DEFB110: variants seen among roughly 807,000 people sequenced by gnomAD.
DEFB110 encodes beta-defensin 110.
Under a neutral mutation model 2.5 loss-of-function variants are expected in DEFB110, and 4 were observed. The observed-to-expected ratio is 1.60, with a 90% CI of 0.79 to 3.66. The LOEUF (loss-of-function observed/expected upper bound fraction) is 3.66, where lower values mean the gene tolerates loss of function less well. Among genes scored for constraint, DEFB110 ranks in the 30% most tolerant of loss-of-function variants. The probability of loss-of-function intolerance (pLI) is 0.01; values close to 1 mark genes in which losing one functional copy is unlikely to be tolerated. For missense variants in DEFB110, 94 were observed against 75.4 expected, an observed-to-expected ratio of 1.25 and a Z score of -0.91; for synonymous variants, 29 against 21.8, an observed-to-expected ratio of 1.33 and a Z score of -0.92.
In DEFB110 at chr6:50,019,119, T is replaced by C; in HGVS notation, c.62A>G (p.Lys21Arg). The C allele has an allele frequency of 6.2e-7, 1 of 1,610,798 alleles. No individual in the cohort carries two copies. Among genetic ancestry groups the C allele is most frequent in the South Asian group, 1.1e-5 (1 of 90,518 alleles). ...HFWVTILPAK[K>R]KYPEYGSLDL... ...CAAGCTACCATACTCAGGATATTTC[T>C]TTTTGGCTGTAAGAAGGGAAGAATG... The change falls in exon 2 of 2, where the codon AAG (lysine) becomes AGG (arginine). Residue 21 changes from lysine to arginine, a missense_variant. Transcript: ENST00000371148.
chr6:50,016,054 G>C (rs972800077), downstream of DEFB110, among the ~76,000 whole-genome samples: 2 of 151,728 alleles, frequency 1.3e-5, no homozygotes, highest in African/African-American at 4.8e-5. Flanking sequence ...CTGGGAAGAA[G>C]TAATCCACTT....
intron 1 of DEFB110, among the ~76,000 whole-genome samples, chr6:50,011,177 A>G (rs1348334814): frequency 6.6e-6 from 1 of 151,308 alleles, no homozygotes; most frequent in African/African-American, 2.4e-5. Flanking sequence ...TAATACATAT[A>G]GATAAATATT....
intron 1 of DEFB110, among the ~76,000 whole-genome samples, chr6:50,020,375 T>C (rs1460051510): frequency 6.6e-6 from 1 of 152,086 alleles, no homozygotes; most frequent in African/African-American, 2.4e-5. Flanking sequence ...AAGTCAAAAT[T>C]TTTTTATTTT....
At chr6:50,014,690 T>C (rs922504390), downstream of DEFB110, among the ~76,000 whole-genome samples, 9 of 151,748 alleles carry the variant, frequency 5.9e-5, no homozygotes, top group African/African-American at 2.2e-4. Context: ...TTTCAAAACA[T>C]CCTTCCTGTC....
At chr6:50,018,835 A>G, downstream of DEFB110, 1 of 1,360,960 alleles carries the variant, frequency 7.3e-7, no homozygotes. Flanking sequence ...GTGACATATG[A>G]TCACTTCTGA....
chr6:50,021,457 C>A (rs1197459764), intron 1 of DEFB110, among the ~76,000 whole-genome samples: 1 of 152,226 alleles, frequency 6.6e-6, no homozygotes, highest in Non-Finnish European at 1.5e-5. Context: ...CAAGTCCAAT[C>A]TGTCTGAAGT....
rs147452703 is a variant in DEFB110 at position 50,021,266 on chromosome 6, G to T, written c.55+615C>A. Among the ~76,000 whole-genome samples, 44 of 152,276 alleles carry T rather than the reference G, an allele frequency of 2.9e-4. No homozygotes were observed. In the East Asian group the frequency reaches 6.6e-3, roughly 23 times the overall value. On this transcript the variant is annotated intron_variant, in intron 1 of 1. Transcript: ENST00000371148. ...TCCATGCATTGTAGGTTATTTAGCAGCATCCTGGGTTCTATCTACAACTGG... is the reference window on the plus strand; with the variant it reads ...TCCATGCATTGTAGGTTATTTAGCATCATCCTGGGTTCTATCTACAACTGG...
At chr6:50,016,815 G>T (rs1349144679), downstream of DEFB110, among the ~76,000 whole-genome samples, 1 of 151,768 alleles carries the variant, frequency 6.6e-6, no homozygotes, top group Non-Finnish European at 1.5e-5. Context: ...GAAGGCAGAG[G>T]CTGGTGGCTT....
chr6:50,014,525 CAA>C (rs1217866282), downstream of DEFB110, among the ~76,000 whole-genome samples: 1 of 151,600 alleles, frequency 6.6e-6, no homozygotes, highest in Non-Finnish European at 1.5e-5. Context: ...TACAAAATGG[CAA>C]AGTCATATGT....
rs1026428525 is a variant in DEFB110, at chr6:50,019,821, C to A, written c.56-696G>T. On this transcript the variant is annotated intron_variant, in intron 1 of 1. Transcript: ENST00000371148. Reference sequence around the variant, plus strand: ...TCAATTACTGTGTGTACTATTAAACCTTTTGACTAGGAATCAATAAACTAT... The same window carrying A: ...TCAATTACTGTGTGTACTATTAAACATTTTGACTAGGAATCAATAAACTAT... 5.9e-5 allele frequency among the ~76,000 whole-genome samples: 9 copies of A among 151,854 alleles called. No homozygotes were observed. The East Asian group carries it at 1.5e-3, about 26-fold the overall frequency.
chr6:50,010,151 T>C (rs1010089209), intron 1 of DEFB110, among the ~76,000 whole-genome samples: 2 of 151,996 alleles, frequency 1.3e-5, no homozygotes, highest in African/African-American at 4.8e-5. Flanking sequence ...ATAATCAACA[T>C]AATTGTCAGA....
At chr6:50,016,878 GCTC>G (rs1774329371), downstream of DEFB110, among the ~76,000 whole-genome samples, 2 of 151,818 alleles carry the variant, frequency 1.3e-5, no homozygotes, top group South Asian at 4.1e-4. Context: ...TGGTTTTCGT[GCTC>G]TCTGTCAAGC....
intron 1 of DEFB110, among the ~76,000 whole-genome samples, chr6:50,020,481 C>T (rs1774400485): frequency 6.6e-6 from 1 of 151,636 alleles, no homozygotes; most frequent in Admixed American, 6.6e-5. Flanking sequence ...GACCAAAGGA[C>T]AGATTTAATA....
chr6:50,014,827 C>T (rs1001822509), downstream of DEFB110, among the ~76,000 whole-genome samples: 3 of 151,704 alleles, frequency 2.0e-5, no homozygotes, highest in Non-Finnish European at 4.4e-5. Flanking sequence ...GTATTCTACC[C>T]CTCCTGCTTA....
At chr6:50,012,007 T>C (rs924520070) in intron 1 of DEFB110, among the ~76,000 whole-genome samples, 4 of 152,058 alleles carry the variant, frequency 2.6e-5, no homozygotes, top group African/African-American at 4.8e-5. Context: ...CCTTATTAAA[T>C]TGAGGTTTTA....
downstream of DEFB110, among the ~76,000 whole-genome samples, chr6:50,016,910 C>T (rs1486051195): frequency 6.6e-6 from 1 of 151,612 alleles, no homozygotes; most frequent in African/African-American, 2.4e-5. Context: ...ATACAGGGTA[C>T]ACCAGGAGTT....
At chr6:50,012,171 G>T (rs982383247) in intron 1 of DEFB110, among the ~76,000 whole-genome samples, 2 of 151,906 alleles carry the variant, frequency 1.3e-5, no homozygotes, top group Non-Finnish European at 2.9e-5. Context: ...CTTACCCTAA[G>T]TGGAGCACTG....
intron 1 of DEFB110, among the ~76,000 whole-genome samples, chr6:50,020,545 T>C (rs2113943516): frequency 6.6e-6 from 1 of 152,296 alleles, no homozygotes; most frequent in South Asian, 2.1e-4. Flanking sequence ...TATTAATTAT[T>C]GCTTGGTCTT....
At chr6:50,019,866 C>G (rs1197768557) in intron 1 of DEFB110, among the ~76,000 whole-genome samples, 1 of 152,048 alleles carries the variant, frequency 6.6e-6, no homozygotes, top group Non-Finnish European at 1.5e-5. Flanking sequence ...GCCAAATCCA[C>G]CCTGCCACCT....
Sources: allele counts gnomAD v4.1 joint callset (sites outside exome capture counted in the v4.1 genomes callset), GRCh38; gene constraint gnomAD v4.1.1; transcripts MANE v1.5; gene names NCBI Gene and HGNC (gene_info 2026-07-23, HGNC 2026-07-21).